Variants in FIRRM observed in about 807,000 individuals in gnomAD.
FIRRM encodes FIGNL1-interacting regulator of recombination and mitosis.
the FIRRM span, among the ~76,000 whole-genome samples, chr1:169,838,044 TCTC>T: frequency 6.6e-6 from 1 of 152,220 alleles, no homozygotes; most frequent in Admixed American, 6.5e-5. Context: ...TTCAGGCAAT[TCTC>T]CTGCCTCAGC....
the FIRRM span, chr1:169,847,745 T>C: frequency 6.2e-7 from 1 of 1,613,690 alleles, no homozygotes; most frequent in African/African-American, 1.3e-5. Flanking sequence ...TATGTTCGTT[T>C]GGCAATGTTG....
At chr1:169,827,464 G>A in the FIRRM span, among the ~76,000 whole-genome samples, 4 of 151,886 alleles carry the variant, frequency 2.6e-5, no homozygotes, top group Non-Finnish European at 5.9e-5. Context: ...ATGGTGAAAC[G>A]CCATCTCTAC....
chr1:169,809,358 T>C, the FIRRM span, among the ~76,000 whole-genome samples: 5 of 152,220 alleles, frequency 3.3e-5, no homozygotes, highest in Non-Finnish European at 7.3e-5. Context: ...CCTATATCAA[T>C]GGCAGGAAGG....
chr1:169,823,306 T>G, the FIRRM span: 1 of 579,532 alleles, frequency 1.7e-6, no homozygotes, highest in South Asian at 3.2e-5. Context: ...TTAAAAGGGG[T>G]CACATTCAGG....
At chr1:169,794,865 C>G in the FIRRM span, 1 of 514,032 alleles carries the variant, frequency 1.9e-6, no homozygotes, top group East Asian at 3.3e-5. Flanking sequence ...TCTGAAAAAG[C>G]TCACCTCACA....
chr1:169,793,284 T>TCAA, the FIRRM span: 1 of 1,614,074 alleles, frequency 6.2e-7, no homozygotes, highest in South Asian at 1.1e-5. Flanking sequence ...AAGTTCTCTT[T>TCAA]CAACAAGATG....
At chr1:169,803,488 A>G in the FIRRM span, among the ~76,000 whole-genome samples, 1 of 152,186 alleles carries the variant, frequency 6.6e-6, no homozygotes, top group Admixed American at 6.5e-5. Flanking sequence ...TAAGGAAGTC[A>G]TTAAAAGTGG....
At chr1:169,850,936 G>GAGA in the FIRRM span, 88,653 of 139,492 alleles carry the variant, frequency 0.64, 28,566 homozygotes, top group Middle Eastern at 0.79. Flanking sequence ...AGGTAGGCCT[G>GAGA]AGAGGATGTT....
chr1:169,831,820 A>C, the FIRRM span, among the ~76,000 whole-genome samples: 1 of 152,174 alleles, frequency 6.6e-6, no homozygotes, highest in African/African-American at 2.4e-5. Context: ...AGTGGTGTGC[A>C]ATCATAGTTC....
chr1:169,830,677 C>T, the FIRRM span: 1 of 1,609,938 alleles, frequency 6.2e-7, no homozygotes, highest in Non-Finnish European at 8.5e-7. Context: ...ACATAGTTGT[C>T]TTCTCTTTTA....
the FIRRM span, among the ~76,000 whole-genome samples, chr1:169,788,840 G>A: frequency 7.6e-3 from 1,164 of 152,202 alleles, 17 homozygotes; most frequent in African/African-American, 0.026. Context: ...CTTTGTAATC[G>A]TTAATTGTAA....
chr1:169,831,124 AT>A, the FIRRM span, among the ~76,000 whole-genome samples: 1 of 152,002 alleles, frequency 6.6e-6, no homozygotes, highest in Non-Finnish European at 1.5e-5. Context: ...TCGACTCTTG[AT>A]TTTGTTGTAT....
chr1:169,819,480 G>A, the FIRRM span, among the ~76,000 whole-genome samples: 1 of 152,208 alleles, frequency 6.6e-6, no homozygotes, highest in Non-Finnish European at 1.5e-5. Flanking sequence ...ATAATGCAAT[G>A]CAAAGCAGAA....
the FIRRM span, among the ~76,000 whole-genome samples, chr1:169,789,908 T>A: frequency 6.6e-6 from 1 of 152,246 alleles, no homozygotes; most frequent in Non-Finnish European, 1.5e-5. Context: ...GGAAACTTGA[T>A]AGGAACCATG....
At chr1:169,805,150 C>T in the FIRRM span, among the ~76,000 whole-genome samples, 2 of 152,232 alleles carry the variant, frequency 1.3e-5, no homozygotes, top group African/African-American at 4.8e-5. Flanking sequence ...TATCAGGCAC[C>T]TGTTGCTCTG....
the FIRRM span, among the ~76,000 whole-genome samples, chr1:169,843,471 A>G: frequency 0.011 from 1,711 of 152,204 alleles, 31 homozygotes; most frequent in African/African-American, 0.039. Flanking sequence ...AAATTGTTTA[A>G]CCTCTTTGAC....
At chr1:169,784,235 G>T in the FIRRM span, among the ~76,000 whole-genome samples, 1 of 152,076 alleles carries the variant, frequency 6.6e-6, no homozygotes, top group Non-Finnish European at 1.5e-5. Context: ...TCAAATGTAG[G>T]GTGCAGCAAG....
the FIRRM span, chr1:169,849,613 A>G: frequency 6.3e-7 from 1 of 1,585,114 alleles, no homozygotes; most frequent in South Asian, 1.1e-5. Flanking sequence ...AGGTAATTAT[A>G]AAACTGATTT....
chr1:169,816,515 G>T, the FIRRM span, among the ~76,000 whole-genome samples: 1 of 152,176 alleles, frequency 6.6e-6, no homozygotes, highest in Admixed American at 6.5e-5. Context: ...TTTATACTTG[G>T]TCTGATTATC....
Sources: allele counts gnomAD v4.1 joint callset (sites outside exome capture counted in the v4.1 genomes callset), GRCh38; gene constraint gnomAD v4.1.1; transcripts MANE v1.5; gene names NCBI Gene and HGNC (gene_info 2026-07-23, HGNC 2026-07-21).